Variants in ROBO1 observed in about 807,000 individuals in gnomAD.
ROBO1 encodes roundabout homolog 1.
ROBO1 carries 149 observed loss-of-function variants against 195.9 expected under a neutral mutation model. The observed-to-expected ratio is 0.76, with a 90% CI of 0.67 to 0.87. ROBO1 has a LOEUF of 0.87. Among genes scored for constraint, ROBO1 ranks in the 40% least tolerant of loss-of-function variants. The pLI, the probability that ROBO1 is intolerant of heterozygous loss-of-function variation, is 0.00. For synonymous variants in ROBO1, 816 were observed against 733.2 expected (o/e 1.11, Z -1.82); for missense variants, 1,933 against 2,068.3 (o/e 0.93, Z 1.27).
At chr3:78,935,124 T>C (rs1025124832) in intron 4 of ROBO1, among the ~76,000 whole-genome samples, 6 of 152,052 alleles carry the variant, frequency 3.9e-5, no homozygotes, top group African/African-American at 1.4e-4. Context: ...ATGCATACAT[T>C]TTAGTTCAAA....
chr3:79,690,172 A>T (rs1215130815), intron 1 of ROBO1, among the ~76,000 whole-genome samples: 1 of 151,948 alleles, frequency 6.6e-6, no homozygotes, highest in East Asian at 1.9e-4. Context: ...GTCCTCATCC[A>T]CAGAACCTTG....
intron 2 of ROBO1, among the ~76,000 whole-genome samples, chr3:79,514,992 A>G (rs1388140876): frequency 6.6e-6 from 1 of 151,750 alleles, no homozygotes. Context: ...ATTCAAATGA[A>G]TGATTGGACA....
chr3:78,693,249 T>C, intron 8 of ROBO1: 5 of 1,483,572 alleles, frequency 3.4e-6, no homozygotes, highest in Non-Finnish European at 4.5e-6. Flanking sequence ...GGAGGCTGAT[T>C]GGTTGAAGGA....
chr3:79,423,449 C>A (rs1244926737), intron 2 of ROBO1, among the ~76,000 whole-genome samples: 1 of 152,118 alleles, frequency 6.6e-6, no homozygotes, highest in Non-Finnish European at 1.5e-5. Flanking sequence ...AGTGTGAAAT[C>A]TCAAGCGACA....
intron 2 of ROBO1, among the ~76,000 whole-genome samples, chr3:79,578,949 C>T (rs184764490): frequency 4.6e-5 from 7 of 152,240 alleles, no homozygotes; most frequent in East Asian, 1.9e-4. Context: ...AACATTCGTA[C>T]GCTTATGTTT....
intron 16 of ROBO1, 28 bp from the exon 17 acceptor site, chr3:78,659,835 AT>A: frequency 6.3e-7 from 1 of 1,582,508 alleles, no homozygotes; most frequent in Non-Finnish European, 8.6e-7. Context: ...AAGGTAGGTT[AT>A]TAGAATGTGC....
chr3:79,126,718 G>A (rs912512739), intron 2 of ROBO1, among the ~76,000 whole-genome samples: 3 of 152,148 alleles, frequency 2.0e-5, no homozygotes, highest in African/African-American at 7.2e-5. Context: ...ATGTTTACTT[G>A]GGGAACAGTG....
chr3:79,582,918 TAA>T (rs1312418884), intron 2 of ROBO1, among the ~76,000 whole-genome samples: 1 of 152,058 alleles, frequency 6.6e-6, no homozygotes, highest in East Asian at 1.9e-4. Flanking sequence ...AGCTATAGTG[TAA>T]TAAACAGCAA....
At chr3:79,056,505 C>G (rs1234247138) in intron 3 of ROBO1, among the ~76,000 whole-genome samples, 2 of 152,124 alleles carry the variant, frequency 1.3e-5, no homozygotes, top group Non-Finnish European at 2.9e-5. Flanking sequence ...ACAACGTATT[C>G]AACCTCAAAA....
chr3:79,675,653 T>A (rs1051515454), intron 1 of ROBO1, among the ~76,000 whole-genome samples: 4 of 152,084 alleles, frequency 2.6e-5, no homozygotes, highest in Non-Finnish European at 4.4e-5. Context: ...CATTTAATTT[T>A]AAAAAATCAT....
In ROBO1 at chr3:78,627,373, A is replaced by G. The variant is rs62260386; in HGVS notation, c.3823T>C (p.Leu1275=). The G allele has an allele frequency of 0.01, 16,196 of 1,612,624 alleles. 105 individuals are homozygous for G. Among genetic ancestry groups the G allele is most frequent in the Non-Finnish European group, 0.012 (14,330 of 1,179,340 alleles). The change falls in exon 26 of 31, where the codon TTA becomes CTA. Residue 1275 remains leucine, a synonymous_variant. Transcript: ENST00000464233. ...PSPQEELQPM[L]QDCPEETGHM... The stretch of plus-strand genomic sequence containing the variant: ...CCAGTCTCCTCTGGACAATCCTGTA[A>G]CATGGGCTGGAGTTCTTCCTGTGGG...
At chr3:79,192,608 G>T (rs1248603927) in intron 2 of ROBO1, among the ~76,000 whole-genome samples, 1 of 151,524 alleles carries the variant, frequency 6.6e-6, no homozygotes, top group Admixed American at 6.6e-5. Context: ...GAACAGCAGT[G>T]GGAATGGCAG....
chr3:79,658,734 G>A lies in ROBO1; in HGVS notation c.-50-68773C>T, dbSNP rs544767110. Among the ~76,000 whole-genome samples, 58 of 151,694 alleles carry A rather than the reference G, an allele frequency of 3.8e-4. 1 individual carries two copies. In the South Asian group the frequency reaches 9.0e-3, roughly 23 times the overall value. On this transcript the variant is annotated intron_variant, in intron 1 of 30. Transcript: ENST00000464233. ...CCATTCATCATTTCTTTGTATTGGG[G>A]ACATTACAATTGTACTCCCTTAGTT... is the stretch of plus-strand genomic sequence containing the variant.
chr3:79,763,690 C>G (rs1244243400), intron 1 of ROBO1, among the ~76,000 whole-genome samples: 1 of 152,148 alleles, frequency 6.6e-6, no homozygotes, highest in Non-Finnish European at 1.5e-5. Flanking sequence ...CCCAAGTGCT[C>G]TGACCCCCAG....
chr3:79,620,436 C>T (rs1380921473), intron 1 of ROBO1, among the ~76,000 whole-genome samples: 1 of 152,132 alleles, frequency 6.6e-6, no homozygotes, highest in Non-Finnish European at 1.5e-5. Flanking sequence ...GCCCCTTTCC[C>T]TTGCCTCCAT....
At chr3:79,141,032 C>G (rs936476892) in intron 2 of ROBO1, among the ~76,000 whole-genome samples, 1 of 152,178 alleles carries the variant, frequency 6.6e-6, no homozygotes, top group Non-Finnish European at 1.5e-5. Context: ...ATTGAAATTA[C>G]CCCGCAGATT....
chr3:79,102,967 G>T (rs1215716084), intron 3 of ROBO1, among the ~76,000 whole-genome samples: 1 of 151,624 alleles, frequency 6.6e-6, no homozygotes, highest in Non-Finnish European at 1.5e-5. Context: ...GTATGTATTT[G>T]ACGATAAAAT....
At chr3:79,166,987 G>A (rs906264895) in intron 2 of ROBO1, among the ~76,000 whole-genome samples, 3 of 151,906 alleles carry the variant, frequency 2.0e-5, no homozygotes, top group African/African-American at 4.8e-5. Context: ...TGCCTGAGGC[G>A]ATGTGCACAT....
At chr3:78,704,081 A>T (rs1359953988) in intron 8 of ROBO1, among the ~76,000 whole-genome samples, 1 of 152,256 alleles carries the variant, frequency 6.6e-6, no homozygotes, top group Non-Finnish European at 1.5e-5. Context: ...CTCAACCAAG[A>T]TCTTGGATTA....
Sources: gnomAD v4.1 joint callset for allele counts (sites outside exome capture counted in the v4.1 genomes callset) on GRCh38, gnomAD v4.1.1 for gene constraint, MANE v1.5 for transcripts, NCBI Gene and HGNC (gene_info 2026-07-23, HGNC 2026-07-21) for gene names.